Variants in AGBL4 observed in about 807,000 individuals in gnomAD.
AGBL4 encodes AGBL carboxypeptidase 4.
In AGBL4, 58 loss-of-function variants were observed where a neutral mutation model predicts 66.4. The observed-to-expected ratio is 0.87, with a 90% CI of 0.71 to 1.09. The LOEUF (loss-of-function observed/expected upper bound fraction) is 1.09, where lower values mean the gene tolerates loss of function less well. Ranked by LOEUF, AGBL4 falls within the 50% of genes least tolerant of loss-of-function variation. AGBL4 has a pLI of 0.00. For synonymous variants in AGBL4, 234 were observed against 222.9 expected, an observed-to-expected ratio of 1.05 and a Z score of -0.44; for missense variants, 579 against 631.0, an observed-to-expected ratio of 0.92 and a Z score of 0.88.
intron 6 of AGBL4, among the ~76,000 whole-genome samples, chr1:48,725,136 C>T (rs1401504480): frequency 6.6e-6 from 1 of 152,186 alleles, no homozygotes; most frequent in Non-Finnish European, 1.5e-5. Context: ...TGTCAAATAT[C>T]CTCAGGCACA....
At chr1:48,730,329 C>A (rs1341629952) in intron 6 of AGBL4, among the ~76,000 whole-genome samples, 1 of 152,160 alleles carries the variant, frequency 6.6e-6, no homozygotes, top group Non-Finnish European at 1.5e-5. Context: ...TTGAGATATT[C>A]GTATCTGATT....
At chr1:48,932,222 A>G (rs1316539172) in intron 5 of AGBL4, among the ~76,000 whole-genome samples, 5 of 152,192 alleles carry the variant, frequency 3.3e-5, no homozygotes, top group Non-Finnish European at 7.3e-5. Flanking sequence ...CTGAAAGAAA[A>G]GCTTTGCAAG....
intron 6 of AGBL4, among the ~76,000 whole-genome samples, chr1:48,691,931 C>T (rs1014293938): frequency 1.1e-4 from 16 of 152,218 alleles, no homozygotes; most frequent in African/African-American, 3.9e-4. Flanking sequence ...TACCTTCTCT[C>T]ACCCTCCTTG....
At chr1:49,191,641 A>G (rs1057020284) in intron 4 of AGBL4, among the ~76,000 whole-genome samples, 2 of 152,044 alleles carry the variant, frequency 1.3e-5, no homozygotes, top group African/African-American at 4.8e-5. Context: ...AGTCCCCAGT[A>G]TCTGCTGTTC....
chr1:49,586,263 G>C (rs1644645540), intron 3 of AGBL4, among the ~76,000 whole-genome samples: 1 of 152,098 alleles, frequency 6.6e-6, no homozygotes, highest in South Asian at 2.1e-4. Context: ...ACACCTCTCA[G>C]GAAAAGTTTT....
intron 3 of AGBL4, among the ~76,000 whole-genome samples, chr1:49,401,006 G>T (rs1280451476): frequency 6.6e-6 from 1 of 152,018 alleles, no homozygotes; most frequent in Non-Finnish European, 1.5e-5. Context: ...TTTTTTGAGG[G>T]TTTTCTTCAA....
chr1:49,295,158 T>A (rs868352749), intron 3 of AGBL4, among the ~76,000 whole-genome samples: 3 of 152,368 alleles, frequency 2.0e-5, no homozygotes, highest in Middle Eastern at 3.4e-3. Context: ...ATCCTATTCA[T>A]TCAGTTTCTG....
intron 1 of AGBL4, among the ~76,000 whole-genome samples, chr1:50,013,405 C>T (rs960857449): frequency 9.2e-5 from 14 of 152,106 alleles, no homozygotes; most frequent in African/African-American, 3.4e-4. Context: ...AAAAATTACC[C>T]ACCACTTTTA....
intron 2 of AGBL4, among the ~76,000 whole-genome samples, chr1:49,835,420 C>T (rs2148026568): frequency 6.6e-6 from 1 of 152,158 alleles, no homozygotes; most frequent in Non-Finnish European, 1.5e-5. Context: ...TATCCATTTG[C>T]TTGGTAAATA....
chr1:48,873,067 C>T (rs1648851510), intron 5 of AGBL4, among the ~76,000 whole-genome samples: 1 of 152,168 alleles, frequency 6.6e-6, no homozygotes, highest in African/African-American at 2.4e-5. Context: ...TTCTTTCCTA[C>T]AGGTCATCCT....
intron 1 of AGBL4, among the ~76,000 whole-genome samples, chr1:49,929,331 A>G (rs894316998): frequency 6.6e-6 from 1 of 152,198 alleles, no homozygotes; most frequent in African/African-American, 2.4e-5. Flanking sequence ...ATTGAAAAAA[A>G]AATCCTAAAG....
rs1476446932 is a variant in AGBL4 at position 48,722,454 on chromosome 1, G to A, written c.635-59213C>T. Among the ~76,000 whole-genome samples the A allele has an allele frequency of 2.0e-5, 3 of 152,168 alleles. No individual in the cohort carries two copies. In the East Asian group the frequency reaches 5.8e-4, roughly 30 times the overall value. ...GTGTGGCACAGTGGCAGGTCAGTAT[G>A]ACTACCCAACAACTGCATAATGAGT... On this transcript the variant is annotated intron_variant, in intron 6 of 13. Coordinates refer to ENST00000371839, the MANE Select transcript of AGBL4 (RefSeq NM_032785.4).
chr1:49,250,256 G>C (rs1488722797), intron 3 of AGBL4, among the ~76,000 whole-genome samples: 1 of 152,094 alleles, frequency 6.6e-6, no homozygotes, highest in East Asian at 1.9e-4. Flanking sequence ...AAATGTTTGA[G>C]GGAGAGGGCA....
chr1:48,729,680 C>A (rs943254351), intron 6 of AGBL4, among the ~76,000 whole-genome samples: 1 of 152,150 alleles, frequency 6.6e-6, no homozygotes, highest in African/African-American at 2.4e-5. Context: ...CTTCCCTGGG[C>A]ACAGAGCCAG....
At chr1:49,224,857 G>T (rs1471228204) in intron 4 of AGBL4, among the ~76,000 whole-genome samples, 2 of 152,162 alleles carry the variant, frequency 1.3e-5, no homozygotes, top group Non-Finnish European at 2.9e-5. Flanking sequence ...GGGATAAGTT[G>T]ACAGTAAATT....
intron 3 of AGBL4, among the ~76,000 whole-genome samples, chr1:49,330,884 G>A (rs1278144916): frequency 6.6e-6 from 1 of 152,096 alleles, no homozygotes; most frequent in Non-Finnish European, 1.5e-5. Context: ...CTCGAATTAG[G>A]CCTGATCAGG....
chr1:49,828,214 G>A (rs1204535501), intron 2 of AGBL4, among the ~76,000 whole-genome samples: 3 of 152,018 alleles, frequency 2.0e-5, no homozygotes, highest in Non-Finnish European at 4.4e-5. Context: ...AATAATTATT[G>A]AATGCCTACT....
intron 1 of AGBL4, among the ~76,000 whole-genome samples, chr1:49,873,699 T>A (rs1646895192): frequency 6.6e-6 from 1 of 152,038 alleles, no homozygotes; most frequent in South Asian, 2.1e-4. Flanking sequence ...AGCCCACTTT[T>A]CCCCTTTAAA....
chr1:48,689,203 C>CAAAAA (rs939955179), intron 6 of AGBL4, among the ~76,000 whole-genome samples: 179 of 50,896 alleles, frequency 3.5e-3, no homozygotes, highest in East Asian at 5.6e-3. Context: ...GACCCGGTCT[C>CAAAAA]AAAAAAAAAA....
Sources: gnomAD v4.1 joint callset for allele counts (sites outside exome capture counted in the v4.1 genomes callset) on GRCh38, gnomAD v4.1.1 for gene constraint, MANE v1.5 for transcripts, NCBI Gene and HGNC (gene_info 2026-07-23, HGNC 2026-07-21) for gene names.